The following MTDH variants were observed in gnomAD, a reference collection of about 807,000 sequenced individuals.
MTDH encodes the protein protein LYRIC.
In MTDH, 34 loss-of-function variants were observed where a neutral mutation model predicts 72.7. The ratio of observed to expected loss-of-function variants is 0.47; its 90% CI spans 0.36 to 0.62. The LOEUF (loss-of-function observed/expected upper bound fraction) is 0.62. Among genes scored for constraint, MTDH ranks in the 20% least tolerant of loss-of-function variants. The pLI is 0.00. For missense variants in MTDH, 677 were observed against 699.4 expected (o/e 0.97, Z 0.36); for synonymous variants, 266 against 268.9 (o/e 0.99, Z 0.10).
At position 97,697,152 on chromosome 8, in the gene MTDH, T is replaced by A. The variant is rs535108844; in HGVS notation, c.1049-2602T>A. Among the ~76,000 whole-genome samples, 289 of 108,576 alleles carry A rather than the reference T, an allele frequency of 2.7e-3. 19 individuals carry two copies. Among genetic ancestry groups the A allele is most frequent in the South Asian group, 0.016 (49 of 3,020 alleles). The allele number at this position is 108,576 out of a possible 152,430, so 71.2% of individuals were successfully genotyped here. On this transcript the variant is annotated intron_variant, in intron 6 of 11. Transcript: ENST00000336273. ...AAAATATATATATATATATATATAT[T>A]TTTTTTTTGTGGACCCAGTTTACTA...
chr8:97,665,951 A>T (rs1245300247), intron 2 of MTDH, among the ~76,000 whole-genome samples: 1 of 152,044 alleles, frequency 6.6e-6, no homozygotes, highest in Non-Finnish European at 1.5e-5. Flanking sequence ...ACACAGTGAA[A>T]CCCCGTCTCT....
chr8:97,662,039 C>T (rs966882648), intron 2 of MTDH, among the ~76,000 whole-genome samples: 6 of 151,884 alleles, frequency 4.0e-5, no homozygotes, highest in Admixed American at 3.9e-4. Context: ...TATTAATTTT[C>T]CAGTTGCTTG....
Position 97,686,708 on chromosome 8 carries a change from C to T in MTDH, c.524C>T (p.Ala175Val). 6.3e-7 allele frequency: 1 copy of T among 1,592,272 alleles called. No individual in the cohort carries two copies. The highest frequency in any genetic ancestry group is 8.5e-7 in the Non-Finnish European group (1 of 1,169,894). ...NKKKSKSDAK[A>V]VQNSSRHDGK... Reference sequence around the variant, plus strand: ...AAGAAATCAAAGTCAGATGCTAAAGCAGTGCAAAACAGTTCACGCCATGAT... The same window carrying T: ...AAGAAATCAAAGTCAGATGCTAAAGTAGTGCAAAACAGTTCACGCCATGAT... Residue 175 changes from alanine to valine, a missense_variant, in exon 3 of 12, where the codon GCA (alanine) becomes GTA (valine). By Grantham distance (64) the Ala-to-Val change is moderately conservative. Transcript: ENST00000336273.
At chr8:97,694,328 G>C (rs999749252) in intron 6 of MTDH, among the ~76,000 whole-genome samples, 45 of 151,978 alleles carry the variant, frequency 3.0e-4, no homozygotes, top group African/African-American at 1.0e-3. Context: ...CTCCTGAGTA[G>C]CCTGGATTAC....
chr8:97,729,005 G>A lies in MTDH; in HGVS notation c.*4335G>A, dbSNP rs146341861. 3.2e-3 allele frequency among the ~76,000 whole-genome samples: 477 copies of A among 149,782 alleles called. 4 individuals carry two copies. Among genetic ancestry groups the A allele is most frequent in the African/African-American group, 0.011 (452 of 40,868 alleles). On this transcript the variant is annotated 3_prime_UTR_variant, in exon 12 of 12. Coordinates refer to ENST00000336273, the MANE Select transcript of MTDH (RefSeq NM_178812.4). ...TGGCTCACTTCAGCCTGGAACTCCC[G>A]GGCTCGAGCTATATTCTCCCACTTT...
Position 97,728,568 on chromosome 8 carries a change from T to G in MTDH, c.*3898T>G, listed in dbSNP as rs1325710901. 6.6e-6 allele frequency: 1 copy of G among 152,056 alleles called. No homozygotes were observed. The highest frequency in any genetic ancestry group is 2.4e-5 in the African/African-American group (1 of 41,420). 9.4% of individuals were successfully genotyped at this position (152,056 alleles called of 1,614,324 possible). On this transcript the variant is annotated 3_prime_UTR_variant, in exon 12 of 12. Transcript: ENST00000336273. ...TAAGGAAATTAAAACTTGGCATGCA[T>G]TAGTTCATATGTATGAGGTTGGCTG... is the stretch of plus-strand genomic sequence containing the variant.
At chr8:97,693,318 T>G (rs1813693629) in intron 6 of MTDH, among the ~76,000 whole-genome samples, 1 of 152,230 alleles carries the variant, frequency 6.6e-6, no homozygotes, top group African/African-American at 2.4e-5. Flanking sequence ...ACAACTTTCT[T>G]GGTCATTTCT....
chr8:97,656,898 C>T (rs1811999623), intron 1 of MTDH, among the ~76,000 whole-genome samples: 1 of 151,712 alleles, frequency 6.6e-6, no homozygotes, highest in East Asian at 2.0e-4. Context: ...ACAGGAATCA[C>T]TTGAACCTGG....
chr8:97,647,197 A>G (rs1316646177), intron 1 of MTDH, among the ~76,000 whole-genome samples: 2 of 152,218 alleles, frequency 1.3e-5, no homozygotes, highest in Non-Finnish European at 2.9e-5. Flanking sequence ...ACAGGGATAC[A>G]AAGGTTAAAG....
chr8:97,682,633 A>G (rs1813182663), intron 2 of MTDH, among the ~76,000 whole-genome samples: 1 of 151,972 alleles, frequency 6.6e-6, no homozygotes, highest in Non-Finnish European at 1.5e-5. Context: ...CAGTAGTAAT[A>G]TCAAATAATA....
Position 97,729,787 on chromosome 8 carries a change from A to C in MTDH, c.*5117A>C, listed in dbSNP as rs1815490589. Among the ~76,000 whole-genome samples, 1 of 152,138 alleles carries C rather than the reference A, an allele frequency of 6.6e-6. No homozygotes were observed. The highest frequency in any genetic ancestry group is 2.4e-5 in the African/African-American group (1 of 41,440). On this transcript the variant is annotated 3_prime_UTR_variant, in exon 12 of 12. Transcript: ENST00000336273. ...ATTACAGGCATGAACCACTGTGCCC[A>C]GTCTATATATAATAGATTTTAGAAG...
intron 10 of MTDH, among the ~76,000 whole-genome samples, chr8:97,719,553 T>A (rs1815026503): frequency 6.8e-6 from 1 of 146,996 alleles, no homozygotes; most frequent in African/African-American, 2.6e-5. Context: ...TTATCATAAA[T>A]AATGTTTTAA....
rs199900068 is a variant in MTDH, at chr8:97,699,756, T to C, written c.1051T>C (p.Ser351Pro). Reference sequence around the variant, plus strand: ...ATTGCATTCGTTTTTCATTTAAGGGTCTACTGCTGAGCCAGTTTCTCAGTC... The same window carrying C: ...ATTGCATTCGTTTTTCATTTAAGGGCCTACTGCTGAGCCAGTTTCTCAGTC... ...SDRSIFSGIGSTAEPVSQSTT... is the reference protein window; with the variant it reads ...SDRSIFSGIGPTAEPVSQSTT... Residue 351 changes from serine to proline, a missense_variant and splice_region_variant, in exon 7 of 12, where the codon TCT (serine) becomes CCT (proline). Coordinates refer to ENST00000336273, the MANE Select transcript of MTDH (RefSeq NM_178812.4). 14 of 1,601,272 alleles carry C rather than the reference T, an allele frequency of 8.7e-6. No homozygotes were observed. Among genetic ancestry groups the C allele is most frequent in the Non-Finnish European group, 1.1e-5 (13 of 1,168,714 alleles).
rs555679756 is a variant in MTDH at position 97,644,188 on chromosome 8, C to T, written c.-319C>T. Reference sequence around the variant, plus strand: ...GCGCGGCGTGGATCGCGGCCCAAGCCGCCATTGTTCCGCCGAGGGAGGACA... The same window carrying T: ...GCGCGGCGTGGATCGCGGCCCAAGCTGCCATTGTTCCGCCGAGGGAGGACA... On this transcript the variant is annotated 5_prime_UTR_variant, in exon 1 of 12. Coordinates refer to ENST00000336273, the MANE Select transcript of MTDH (RefSeq NM_178812.4). 1.6e-3 allele frequency: 564 copies of T among 349,716 alleles called. 1 individual carries two copies. Among genetic ancestry groups the T allele is most frequent in the Admixed American group, 4.1e-3 (79 of 19,226 alleles). The allele number at this position is 349,716 out of a possible 1,614,324, so 21.7% of individuals were successfully genotyped here.
At chr8:97,682,778 C>T (rs1236509354) in intron 2 of MTDH, among the ~76,000 whole-genome samples, 2 of 151,714 alleles carry the variant, frequency 1.3e-5, no homozygotes, top group Non-Finnish European at 1.5e-5. Context: ...ATATATACTA[C>T]TTTGTCGTTA....
chr8:97,720,276 C>CTTTGTGAAGAAGAATATATATATAT (rs1260917896), intron 10 of MTDH, among the ~76,000 whole-genome samples: 1 of 151,460 alleles, frequency 6.6e-6, no homozygotes. Flanking sequence ...CAAAGTGAGA[C>CTTTGTGAAGAAGAATATATATATAT]TCCATCTCAT....
intron 1 of MTDH, among the ~76,000 whole-genome samples, chr8:97,647,367 A>G (rs1811607717): frequency 6.6e-6 from 1 of 152,194 alleles, no homozygotes; most frequent in African/African-American, 2.4e-5. Context: ...TTCAAGAACG[A>G]CCTGGGCAAT....
intron 2 of MTDH, among the ~76,000 whole-genome samples, chr8:97,662,197 CT>C (rs144732695): frequency 2.2e-3 from 307 of 141,562 alleles, no homozygotes; most frequent in African/African-American, 1.9e-3. Context: ...CCTCCCTTTC[CT>C]TTTTTTTTTT....
At chr8:97,690,570 AAAT>A (rs1813559124) in intron 5 of MTDH, among the ~76,000 whole-genome samples, 1 of 152,194 alleles carries the variant, frequency 6.6e-6, no homozygotes, top group Non-Finnish European at 1.5e-5. Flanking sequence ...TATTGTTAAT[AAAT>A]TTTTCAGTTA....
Sources: gnomAD v4.1 joint callset for allele counts (sites outside exome capture counted in the v4.1 genomes callset) on GRCh38, gnomAD v4.1.1 for gene constraint, MANE v1.5 for transcripts, NCBI Gene and HGNC (gene_info 2026-07-23, HGNC 2026-07-21) for gene names.